BSPH1: variants seen among roughly 807,000 people sequenced by gnomAD.
The protein encoded by BSPH1 is binder of sperm 1.
In BSPH1, 21 loss-of-function variants were observed where a neutral mutation model predicts 22.5. The ratio of observed to expected loss-of-function variants is 0.93; its 90% CI spans 0.66 to 1.35. BSPH1 has a LOEUF of 1.35. BSPH1 is among the 40% of genes most tolerant of loss of function. BSPH1 has a pLI of 0.00. For missense variants in BSPH1, 141 were observed against 154.2 expected, an observed-to-expected ratio of 0.91 and a Z score of 0.45; for synonymous variants, 42 against 53.6, an observed-to-expected ratio of 0.78 and a Z score of 0.95.
At chr19:47,982,658 G>A (rs1189142285) in intron 1 of BSPH1, among the ~76,000 whole-genome samples, 1 of 152,124 alleles carries the variant, frequency 6.6e-6, no homozygotes, top group Non-Finnish European at 1.5e-5. Context: ...GTAAACCCAT[G>A]TTCATGGTAG....
chr19:47,969,573 A>T (rs73941408), intron 5 of BSPH1, among the ~76,000 whole-genome samples: 244 of 152,174 alleles, frequency 1.6e-3, no homozygotes, highest in African/African-American at 5.7e-3. Context: ...ATATAAGGAT[A>T]TATTATAAAT....
intron 4 of BSPH1, 88 bp from the exon 5 acceptor site, chr19:47,976,942 T>C: frequency 2.4e-6 from 3 of 1,258,694 alleles, no homozygotes; most frequent in Non-Finnish European, 3.3e-6. Context: ...CATGCACACA[T>C]ATGCACACAT....
At chr19:47,979,286 T>C (rs1969396526) in intron 3 of BSPH1, among the ~76,000 whole-genome samples, 2 of 146,086 alleles carry the variant, frequency 1.4e-5, no homozygotes, top group African/African-American at 5.2e-5. Flanking sequence ...AGCACTTTGT[T>C]CATACTTCTA....
intron 1 of BSPH1, among the ~76,000 whole-genome samples, chr19:47,984,163 A>ATAT (rs1450777384): frequency 1.5e-3 from 200 of 135,856 alleles, no homozygotes; most frequent in African/African-American, 5.2e-3. Context: ...AAAAAAAAAA[A>ATAT]ATATATATAT....
At position 47,979,552 on chromosome 19, in the gene BSPH1, G is replaced by A; in HGVS notation, c.124+18C>T. 8.1e-7 allele frequency: 1 copy of A among 1,237,660 alleles called. No homozygotes were observed. The highest frequency in any genetic ancestry group is 1.1e-6 in the Non-Finnish European group (1 of 899,886). 76.7% of individuals were successfully genotyped at this position (1,237,660 alleles called of 1,614,324 possible). ...AAGAAAATATACATTAATAATCAAA[G>A]TTTTCTGATCGACTTACCTGTAACT... On this transcript the variant is annotated intron_variant, in intron 3 of 5. Coordinates refer to ENST00000344839, the MANE Select transcript of BSPH1 (RefSeq NM_001128326.2).
At chr19:47,986,068 G>C (rs934913220) in intron 1 of BSPH1, among the ~76,000 whole-genome samples, 3 of 152,112 alleles carry the variant, frequency 2.0e-5, no homozygotes, top group Non-Finnish European at 2.9e-5. Flanking sequence ...GGAGTCTGGG[G>C]AAGCTGGTCG....
At chr19:47,977,145 C>T (rs1215172991) in intron 4 of BSPH1, among the ~76,000 whole-genome samples, 3 of 152,248 alleles carry the variant, frequency 2.0e-5, no homozygotes. Flanking sequence ...TCCCACATCA[C>T]TTTGCTGTTC....
chr19:47,986,751 AAAT>A (rs1555732417), intron 1 of BSPH1, among the ~76,000 whole-genome samples: 2 of 151,402 alleles, frequency 1.3e-5, no homozygotes, highest in African/African-American at 4.9e-5. Flanking sequence ...TCTAAAAATA[AAAT>A]AAAATAAAAT....
chr19:47,981,714 C>G (rs1044175377), intron 1 of BSPH1: 1 of 954,640 alleles, frequency 1.0e-6, no homozygotes, highest in Non-Finnish European at 1.2e-6. Flanking sequence ...ATGTCAAGTC[C>G]TCCCCAGTTT....
intron 1 of BSPH1, among the ~76,000 whole-genome samples, chr19:47,985,579 A>T (rs1969462824): frequency 6.6e-6 from 1 of 152,226 alleles, no homozygotes; most frequent in Non-Finnish European, 1.5e-5. Flanking sequence ...TCACACCTGT[A>T]ATCCCAGCAC....
rs1254159516 is a variant in BSPH1 at position 47,980,903 on chromosome 19, G to T, written c.94+18C>A. The T allele has an allele frequency of 1.4e-6, 2 of 1,434,938 alleles. No homozygotes were observed. The highest frequency in any genetic ancestry group is 2.5e-5 in the Admixed American group (1 of 39,892). The allele number at this position is 1,434,938 out of a possible 1,614,324, so 88.9% of individuals were successfully genotyped here. On this transcript the variant is annotated intron_variant, in intron 2 of 5. Transcript: ENST00000344839. ...AATTTGAAAAGAAACGCTAATAAAA[G>T]TTTTTTGATCAACTCACCCACAGTT...
intron 5 of BSPH1, among the ~76,000 whole-genome samples, chr19:47,974,403 G>A (rs1451796500): frequency 6.6e-6 from 1 of 151,618 alleles, no homozygotes; most frequent in African/African-American, 2.4e-5. Flanking sequence ...CCAAGTAGCT[G>A]GGATTATAGG....
chr19:47,982,293 G>A (rs941461098), intron 1 of BSPH1, among the ~76,000 whole-genome samples: 1 of 152,208 alleles, frequency 6.6e-6, no homozygotes, highest in African/African-American at 2.4e-5. Flanking sequence ...ACACTTGAAA[G>A]AGCAATGACT....
chr19:47,987,385 CT>C (rs11289833), intron 1 of BSPH1, among the ~76,000 whole-genome samples: 24,452 of 136,812 alleles, frequency 0.18, 1,883 homozygotes, highest in Non-Finnish European at 0.21. Context: ...TTAGTACTTA[CT>C]TTTTTTTTTT....
chr19:47,970,014 T>TGA (rs1323046141), intron 5 of BSPH1, among the ~76,000 whole-genome samples: 43 of 150,152 alleles, frequency 2.9e-4, no homozygotes, highest in Non-Finnish European at 4.9e-4. Flanking sequence ...TTTGTGTGTG[T>TGA]GTGAGAGAGA....
intron 3 of BSPH1, among the ~76,000 whole-genome samples, chr19:47,978,850 A>G (rs1969392758): frequency 6.6e-6 from 1 of 152,230 alleles, no homozygotes; most frequent in East Asian, 1.9e-4. Flanking sequence ...ATTAAGCTAG[A>G]ATTTAGTTTT....
chr19:47,981,933 A>G (rs1969423923), intron 1 of BSPH1, among the ~76,000 whole-genome samples: 1 of 152,198 alleles, frequency 6.6e-6, no homozygotes, highest in South Asian at 2.1e-4. Flanking sequence ...TTGATTTAAA[A>G]CCAGCATGTT....
intron 5 of BSPH1, among the ~76,000 whole-genome samples, chr19:47,970,929 C>T (rs1346592602): frequency 6.6e-6 from 1 of 152,088 alleles, no homozygotes; most frequent in Non-Finnish European, 1.5e-5. Flanking sequence ...CAGACAAATC[C>T]TAGCTGACCC....
rs368841633 is a variant in BSPH1 at position 47,972,272 on chromosome 19, T to C, written c.*3-4063A>G. On this transcript the variant is annotated intron_variant, in intron 5 of 5. Coordinates refer to ENST00000344839, the MANE Select transcript of BSPH1 (RefSeq NM_001128326.2). ...TGATTCCAGTTGTCCCATGCTAACC[T>C]TGATATTCTTTTTTTTTTTTTTTTT... Among the ~76,000 whole-genome samples, 17 of 146,190 alleles carry C rather than the reference T, an allele frequency of 1.2e-4. No homozygotes were observed. In the East Asian group the frequency reaches 2.4e-3, roughly 20 times the overall value.
Sources: allele counts gnomAD v4.1 joint callset (sites outside exome capture counted in the v4.1 genomes callset), GRCh38; gene constraint gnomAD v4.1.1; transcripts MANE v1.5; gene names NCBI Gene and HGNC (gene_info 2026-07-23, HGNC 2026-07-21).